The following PACC1 variants were observed in gnomAD, a reference collection of about 807,000 sequenced individuals.
The protein encoded by PACC1 is proton-activated chloride channel.
In PACC1, 34 loss-of-function variants were observed where a neutral mutation model predicts 39.7. That is an observed-to-expected ratio of 0.86 (90% CI 0.65 to 1.14). The LOEUF (loss-of-function observed/expected upper bound fraction) is 1.14, where lower values mean the gene tolerates loss of function less well. Among genes scored for constraint, PACC1 ranks in the 50% most tolerant of loss-of-function variants. PACC1 has a pLI of 0.00. For missense variants in PACC1, 379 were observed against 436.4 expected (o/e 0.87, Z 1.17); for synonymous variants, 127 against 160.6 (o/e 0.79, Z 1.58).
intron 7 of PACC1, among the ~76,000 whole-genome samples, chr1:212,365,991 T>C (rs952745826): frequency 1.3e-5 from 2 of 152,192 alleles, no homozygotes; most frequent in Non-Finnish European, 2.9e-5. Context: ...CTGTCTTTCC[T>C]CCCAAACTCA....
chr1:212,384,212 A>T (rs1365663464), intron 4 of PACC1, among the ~76,000 whole-genome samples: 1 of 152,142 alleles, frequency 6.6e-6, no homozygotes, highest in African/African-American at 2.4e-5. Context: ...CAAAGCTATT[A>T]TTGATGTTCT....
At chr1:212,385,535 G>C in intron 3 of PACC1, 110 bp from the exon 4 acceptor site, 2 of 1,159,470 alleles carry the variant, frequency 1.7e-6, no homozygotes, top group Non-Finnish European at 2.5e-6. Context: ...CTGGAGGACT[G>C]CAGGGAAGGG....
intron 6 of PACC1, 48 bp from the exon 7 acceptor site, chr1:212,375,348 C>CCCTT (rs777360025): frequency 3.0e-6 from 4 of 1,345,106 alleles, no homozygotes; most frequent in Admixed American, 1.7e-5. Flanking sequence ...GTGTGCCCTT[C>CCCTT]CCTTGCCTGT....
Position 212,414,875 on chromosome 1 carries a change from G to T in PACC1, c.-118C>A. The T allele has an allele frequency of 7.3e-7, 1 of 1,370,192 alleles. No homozygotes were observed. Among genetic ancestry groups the T allele is most frequent in the Non-Finnish European group, 1.0e-6 (1 of 990,916 alleles). 84.9% of individuals were successfully genotyped at this position (1,370,192 alleles called of 1,614,324 possible). On this transcript the variant is annotated 5_prime_UTR_variant, in exon 1 of 8. Transcript: ENST00000261455. ...CCGCGAGGCGAAACCGGTCCGGAGG[G>T]GCGTCCCAGAGACCAGGCGTGGCGA...
intron 4 of PACC1, among the ~76,000 whole-genome samples, chr1:212,382,940 C>G (rs568620875): frequency 2.0e-5 from 3 of 152,220 alleles, no homozygotes; most frequent in African/African-American, 7.2e-5. Flanking sequence ...GGCGTCTCAC[C>G]GGTCCCACCC....
intron 2 of PACC1, among the ~76,000 whole-genome samples, chr1:212,394,048 A>T (rs2102515416): frequency 6.6e-6 from 1 of 152,214 alleles, no homozygotes; most frequent in South Asian, 2.1e-4. Flanking sequence ...AACTATTCCA[A>T]TCAATAGAAA....
chr1:212,364,714 G>C lies in PACC1; in HGVS notation c.*501C>G, dbSNP rs1302901702. 1 of 152,618 alleles carries C rather than the reference G, an allele frequency of 6.6e-6. No homozygotes were observed. Among genetic ancestry groups the C allele is most frequent in the Non-Finnish European group, 1.5e-5 (1 of 68,040 alleles). The allele number at this position is 152,618 out of a possible 1,614,324, so 9.5% of individuals were successfully genotyped here. A position where few individuals can be genotyped will look rare whatever the true frequency, so the allele number is the denominator to read the frequency against. On this transcript the variant is annotated 3_prime_UTR_variant, in exon 8 of 8. Transcript: ENST00000261455. ...AAATCAAAGAGCATGTCAGAGGCTG[G>C]ACATCAATGGCAGATGATGCCAAAG...
intron 7 of PACC1, among the ~76,000 whole-genome samples, chr1:212,367,249 TATA>T (rs370743625): frequency 1.3e-5 from 2 of 152,288 alleles, no homozygotes; most frequent in African/African-American, 4.8e-5. Flanking sequence ...TCTGGTTTAG[TATA>T]ATAACAGGAA....
intron 7 of PACC1, among the ~76,000 whole-genome samples, chr1:212,372,389 C>CT (rs1344897995): frequency 6.6e-6 from 1 of 151,792 alleles, no homozygotes; most frequent in Admixed American, 6.6e-5. Flanking sequence ...AAACCCACAG[C>CT]TAACATCATA....
At chr1:212,379,789 C>A in intron 5 of PACC1, 106 bp downstream of exon 5, 3 of 1,413,848 alleles carry the variant, frequency 2.1e-6, no homozygotes, top group Non-Finnish European at 1.9e-6. Flanking sequence ...TGAGAATGCC[C>A]CTTCCCTTCC....
intron 7 of PACC1, among the ~76,000 whole-genome samples, chr1:212,367,668 C>T (rs1417400893): frequency 6.6e-6 from 1 of 152,178 alleles, no homozygotes; most frequent in African/African-American, 2.4e-5. Context: ...CCAGCTGCCT[C>T]AACTCCAGGC....
At chr1:212,414,136 G>C in intron 1 of PACC1, 1 of 1,469,888 alleles carries the variant, frequency 6.8e-7, no homozygotes, top group Non-Finnish European at 9.0e-7. Flanking sequence ...AGTCGTGGGA[G>C]GAGGTGAGAC....
In PACC1 at chr1:212,386,794, C is replaced by T. The variant is rs1007403172; in HGVS notation, c.343+97G>A. On this transcript the variant is annotated intron_variant, in intron 3 of 7. Coordinates refer to ENST00000261455, the MANE Select transcript of PACC1 (RefSeq NM_018252.3). The surrounding 1 kb of genome is among the most constrained non-coding windows in gnomAD (Gnocchi z 5.0). ...TGCTTGGTTGGACTCCTCTGCCCTGCCCGTAGTACCACAAATACAACGGCA... is the reference window on the plus strand; with the variant it reads ...TGCTTGGTTGGACTCCTCTGCCCTGTCCGTAGTACCACAAATACAACGGCA... 5 of 1,237,190 alleles carry T rather than the reference C, an allele frequency of 4.0e-6. No individual in the cohort carries two copies. Among genetic ancestry groups the T allele is most frequent in the Non-Finnish European group, 5.9e-6 (5 of 852,966 alleles). The allele number at this position is 1,237,190 out of a possible 1,614,324, so 76.6% of individuals were successfully genotyped here. A position where few individuals can be genotyped will look rare whatever the true frequency, so the allele number is the denominator to read the frequency against.
In PACC1 at chr1:212,380,008, C is replaced by G. The variant is rs1474950052; in HGVS notation, c.525G>C (p.Arg175=). The G allele has an allele frequency of 6.2e-7, 1 of 1,614,138 alleles. No homozygotes were observed. Among genetic ancestry groups the G allele is most frequent in the Admixed American group, 1.7e-5 (1 of 60,024 alleles). The part of the protein sequence containing the change: ...VKSALIVQGP[R]EVKKRELVFL... Reference sequence around the variant, plus strand: ...AGACCAGCTCCCGCTTTTTCACTTCCCGGGGCCCCTGGACAATCAGGGCAG... The same window carrying G: ...AGACCAGCTCCCGCTTTTTCACTTCGCGGGGCCCCTGGACAATCAGGGCAG... The change falls in exon 5 of 8, where the codon CGG becomes CGC. Residue 175 remains arginine, a synonymous_variant. Coordinates refer to ENST00000261455, the MANE Select transcript of PACC1 (RefSeq NM_018252.3).
Position 212,364,452 on chromosome 1 carries a change from G to C in PACC1, c.*763C>G, listed in dbSNP as rs750416317. 6.6e-6 allele frequency: 1 copy of C among 152,362 alleles called. No individual in the cohort carries two copies. Among genetic ancestry groups the C allele is most frequent in the Non-Finnish European group, 1.5e-5 (1 of 68,030 alleles). The allele number at this position is 152,362 out of a possible 1,614,324, so 9.4% of individuals were successfully genotyped here. A position where few individuals can be genotyped will look rare whatever the true frequency, so the allele number is the denominator to read the frequency against. ...AGTAATTGTGCCCGATGATTGAGCA[G>C]ATATTCATATTGTCACACTCGTTCC... On this transcript the variant is annotated 3_prime_UTR_variant, in exon 8 of 8. Coordinates refer to ENST00000261455, the MANE Select transcript of PACC1 (RefSeq NM_018252.3).
chr1:212,397,550 G>A (rs1212931185), intron 2 of PACC1, among the ~76,000 whole-genome samples: 3 of 152,144 alleles, frequency 2.0e-5, no homozygotes, highest in Admixed American at 2.0e-4. Context: ...TAAAGACAAG[G>A]AAATAATTCA....
At chr1:212,414,033 A>T (rs1228059042) in intron 1 of PACC1, 7 of 1,535,578 alleles carry the variant, frequency 4.6e-6, no homozygotes, top group Non-Finnish European at 6.1e-6. Context: ...ATACAGCTGG[A>T]GAAGTGAGGA....
chr1:212,378,859 C>A (rs1330545750), intron 5 of PACC1, among the ~76,000 whole-genome samples: 1 of 152,156 alleles, frequency 6.6e-6, no homozygotes, highest in Admixed American at 6.5e-5. Flanking sequence ...CCTCCTCAGC[C>A]TACTCAACAT....
At chr1:212,366,186 C>T (rs2102460040) in intron 7 of PACC1, among the ~76,000 whole-genome samples, 1 of 151,990 alleles carries the variant, frequency 6.6e-6, no homozygotes, top group East Asian at 1.9e-4. Flanking sequence ...GGTCTGGAAT[C>T]AATAATTTAA....
Sources: allele counts gnomAD v4.1 joint callset (sites outside exome capture counted in the v4.1 genomes callset), GRCh38; gene constraint gnomAD v4.1.1; non-coding constraint Gnocchi (gnomAD v3.1); transcripts MANE v1.5; gene names NCBI Gene and HGNC (gene_info 2026-07-23, HGNC 2026-07-21).